Variants in AP1S3 observed in about 807,000 individuals in gnomAD.
AP1S3 encodes AP-1 complex subunit sigma-3.
AP1S3 carries 10 observed loss-of-function variants against 20.9 expected under a neutral mutation model. The ratio of observed to expected loss-of-function variants is 0.48; its 90% CI spans 0.29 to 0.81. The LOEUF is 0.81. AP1S3 is among the 30% of genes least tolerant of loss of function. The pLI, the probability that AP1S3 is intolerant of heterozygous loss-of-function variation, is 0.08. For missense variants in AP1S3, 154 were observed against 183.8 expected (o/e 0.84, Z 0.94); for synonymous variants, 41 against 61.5 (o/e 0.67, Z 1.56).
intron 1 of AP1S3, among the ~76,000 whole-genome samples, chr2:223,817,694 A>G (rs1034970334): frequency 2.0e-5 from 3 of 151,714 alleles, no homozygotes; most frequent in African/African-American, 7.3e-5. Context: ...GGCTTCTCTG[A>G]GTATCCGCTG....
chr2:223,828,314 T>TTTTTA, intron 1 of AP1S3, among the ~76,000 whole-genome samples: 1 of 148,264 alleles, frequency 6.7e-6, no homozygotes, highest in African/African-American at 2.5e-5. Flanking sequence ...TTTTTTTTTT[T>TTTTTA]GAGACAGACT....
chr2:223,786,279 A>G (rs1228998596), intron 1 of AP1S3, among the ~76,000 whole-genome samples: 2 of 152,212 alleles, frequency 1.3e-5, no homozygotes, highest in Non-Finnish European at 2.9e-5. Context: ...AGGAGCCCTA[A>G]TAACTATTTT....
chr2:223,784,414 C>G (rs757809827), intron 1 of AP1S3, among the ~76,000 whole-genome samples: 17 of 152,144 alleles, frequency 1.1e-4, no homozygotes, highest in African/African-American at 2.2e-4. Flanking sequence ...CACCCACCCC[C>G]CAACACGATG....
chr2:223,819,268 T>C (rs1026557927), intron 1 of AP1S3, among the ~76,000 whole-genome samples: 2 of 152,216 alleles, frequency 1.3e-5, no homozygotes, highest in African/African-American at 4.8e-5. Context: ...GCTTTTTGTT[T>C]ATTTTTAATC....
chr2:223,829,397 C>G (rs773553015), intron 1 of AP1S3, among the ~76,000 whole-genome samples: 49 of 151,912 alleles, frequency 3.2e-4, no homozygotes, highest in Non-Finnish European at 5.6e-4. Context: ...GAGACCAAGG[C>G]GGGAGGATCA....
intron 1 of AP1S3, among the ~76,000 whole-genome samples, chr2:223,794,823 C>T (rs1321177140): frequency 1.3e-5 from 2 of 152,164 alleles, no homozygotes; most frequent in Middle Eastern, 3.2e-3. Flanking sequence ...GCGTCTGAAC[C>T]CCCATCCGAG....
intron 1 of AP1S3, among the ~76,000 whole-genome samples, chr2:223,806,342 G>C (rs1016951531): frequency 6.9e-5 from 10 of 145,088 alleles, no homozygotes; most frequent in African/African-American, 2.6e-4. Flanking sequence ...GGAGTGCAGT[G>C]GTGGGATCTC....
intron 1 of AP1S3, among the ~76,000 whole-genome samples, chr2:223,813,232 C>A (rs1691774533): frequency 6.6e-6 from 1 of 152,152 alleles, no homozygotes; most frequent in Non-Finnish European, 1.5e-5. Context: ...CAGGAGTGAG[C>A]CACCATGCCT....
chr2:223,816,942 T>G (rs1435806692), intron 1 of AP1S3, among the ~76,000 whole-genome samples: 1 of 151,536 alleles, frequency 6.6e-6, no homozygotes, highest in Non-Finnish European at 1.5e-5. Context: ...AGCCTAGCCA[T>G]ATTGAAACCC....
intron 1 of AP1S3, among the ~76,000 whole-genome samples, chr2:223,813,931 T>C (rs890765126): frequency 2.6e-5 from 4 of 152,224 alleles, no homozygotes; most frequent in African/African-American, 4.8e-5. Context: ...CTTAAGCTCC[T>C]GGCATGCACA....
chr2:223,773,453 A>G (rs1690680335), intron 3 of AP1S3: 1 of 1,169,044 alleles, frequency 8.6e-7, no homozygotes, highest in Non-Finnish European at 1.1e-6. Context: ...TACATTTGCA[A>G]ATTTCTCCTT....
chr2:223,832,108 C>G (rs1692277449), intron 1 of AP1S3, among the ~76,000 whole-genome samples: 1 of 142,628 alleles, frequency 7.0e-6, no homozygotes, highest in South Asian at 2.2e-4. Flanking sequence ...AGGACTTATT[C>G]TGGGGATTAT....
rs932619065 is a variant in AP1S3, at chr2:223,756,491, A to G, written c.*2224T>C. 65 of 964,362 alleles carry G rather than the reference A, an allele frequency of 6.7e-5. No individual in the cohort carries two copies. The highest frequency in any genetic ancestry group is 7.9e-5 in the Non-Finnish European group (64 of 813,912). The allele number at this position is 964,362 out of a possible 1,614,324, so 59.7% of individuals were successfully genotyped here. ...AAAAGAAAGAAAGAAAGAAAAAAAG[A>G]AAGAAAAAATTCTAACACATTAAAA... On this transcript the variant is annotated 3_prime_UTR_variant, in exon 5 of 5. Coordinates refer to ENST00000396654, the MANE Select transcript of AP1S3 (RefSeq NM_001039569.2).
At chr2:223,831,764 C>T (rs1692263441) in intron 1 of AP1S3, among the ~76,000 whole-genome samples, 1 of 152,152 alleles carries the variant, frequency 6.6e-6, no homozygotes, top group African/African-American at 2.4e-5. Context: ...AAGGACAATT[C>T]ATGAAGACAT....
intron 3 of AP1S3, among the ~76,000 whole-genome samples, chr2:223,769,830 G>A (rs1169900074): frequency 2.4e-5 from 3 of 126,450 alleles, no homozygotes; most frequent in South Asian, 2.8e-4. Context: ...TGAAGGCTCC[G>A]CCCCCCGGGG....
chr2:223,837,288 C>T (rs1692426360), intron 1 of AP1S3, among the ~76,000 whole-genome samples, 160 bp downstream of exon 1: 1 of 151,894 alleles, frequency 6.6e-6, no homozygotes, highest in African/African-American at 2.4e-5. Context: ...TCCGCACCGT[C>T]TGGGGCAGCG....
At chr2:223,814,840 G>A (rs1283733715) in intron 1 of AP1S3, among the ~76,000 whole-genome samples, 1 of 152,142 alleles carries the variant, frequency 6.6e-6, no homozygotes, top group Non-Finnish European at 1.5e-5. Flanking sequence ...ACAATGGCAC[G>A]ATCACAGCTC....
At chr2:223,765,406 T>C in intron 3 of AP1S3, 56 bp from the exon 4 acceptor site, 2 of 1,538,254 alleles carry the variant, frequency 1.3e-6, no homozygotes, top group Non-Finnish European at 1.7e-6. Flanking sequence ...AGGGGAAACA[T>C]CTGCCCGAAT....
chr2:223,826,587 C>T (rs1341717629), intron 1 of AP1S3, among the ~76,000 whole-genome samples: 6 of 140,502 alleles, frequency 4.3e-5, no homozygotes, highest in Non-Finnish European at 9.3e-5. Context: ...AGAGAGACTC[C>T]GTCTCAGAAA....
Sources: allele counts gnomAD v4.1 joint callset (sites outside exome capture counted in the v4.1 genomes callset), GRCh38; gene constraint gnomAD v4.1.1; transcripts MANE v1.5; gene names NCBI Gene and HGNC (gene_info 2026-07-23, HGNC 2026-07-21).